Variants in CEP295 observed in about 807,000 individuals in gnomAD.
The protein encoded by CEP295 is centrosomal protein 295.
A neutral mutation model predicts 291.6 loss-of-function variants in CEP295; 190 were observed. That is an observed-to-expected ratio of 0.65 (90% CI 0.58 to 0.73). The LOEUF (loss-of-function observed/expected upper bound fraction) is 0.73, where lower values mean the gene tolerates loss of function less well. Among genes scored for constraint, CEP295 ranks in the 30% least tolerant of loss-of-function variants. The probability of loss-of-function intolerance (pLI) is 0.00; values close to 1 mark genes in which losing one functional copy is unlikely to be tolerated. For synonymous variants in CEP295, 993 were observed against 1,038.8 expected, an observed-to-expected ratio of 0.96 and a Z score of 0.85; for missense variants, 2,863 against 2,949.4, an observed-to-expected ratio of 0.97 and a Z score of 0.68.
chr11:93,670,092 T>A (rs1950363274), intron 5 of CEP295, among the ~76,000 whole-genome samples: 1 of 152,130 alleles, frequency 6.6e-6, no homozygotes, highest in Non-Finnish European at 1.5e-5. Flanking sequence ...AAAACTATAA[T>A]GGTTTTGGTT....
At chr11:93,691,848 A>T (rs1288022913) in intron 11 of CEP295, 73 bp downstream of exon 11, 1 of 1,281,442 alleles carries the variant, frequency 7.8e-7, no homozygotes, top group African/African-American at 1.5e-5. Flanking sequence ...ATTACATGTG[A>T]TATATTAAGA....
chr11:93,666,463 A>G (rs1950211373), intron 1 of CEP295, among the ~76,000 whole-genome samples: 2 of 151,990 alleles, frequency 1.3e-5, no homozygotes, highest in Non-Finnish European at 2.9e-5. Flanking sequence ...GCGTGGTGGC[A>G]TGCACCTGTA....
rs1432121770 is a variant in CEP295, at chr11:93,687,806, C to G, written c.1277C>G (p.Thr426Arg). Residue 426 changes from threonine (T) to arginine (R), a missense_variant, in exon 10 of 30, where the codon ACG becomes AGG. Around this residue, in one of 3 missense-constraint regions of CEP295, gnomAD observed 554 missense variants for 576.0 expected, o/e 0.96. Coordinates refer to ENST00000325212, the MANE Select transcript of CEP295 (RefSeq NM_033395.2). ...AGTGAAATTGAGAGTAAAGCACCAACGGTTGAGTCAGGAACAATTGCCAGC... is the reference window on the plus strand; with the variant it reads ...AGTGAAATTGAGAGTAAAGCACCAAGGGTTGAGTCAGGAACAATTGCCAGC... ...TVSEIESKAP[T>R]VESGTIASKE... 3.2e-6 allele frequency: 5 copies of G among 1,551,292 alleles called. No individual in the cohort carries two copies. In the East Asian group the frequency reaches 1.2e-4, roughly 38 times the overall value.
In CEP295 at chr11:93,667,619, G is replaced by GA; in HGVS notation, c.124dup (p.Arg42LysfsTer63). 1 of 1,545,794 alleles carries GA rather than the reference G, an allele frequency of 6.5e-7. No homozygotes were observed. The highest frequency in any genetic ancestry group is 8.7e-7 in the Non-Finnish European group (1 of 1,145,198). On this transcript the variant is annotated frameshift_variant, in exon 3 of 30. Coordinates refer to ENST00000325212, the MANE Select transcript of CEP295 (RefSeq NM_033395.2). LOFTEE classifies it high-confidence loss of function. Reference sequence around the variant, plus strand: ...ATGCATTCTTTAGGTTCGAGAACAAGAAAGAGATATCGCCTTACAGATAAG... The same window carrying GA: ...ATGCATTCTTTAGGTTCGAGAACAAGAAAAGAGATATCGCCTTACAGATAAG...
chr11:93,721,489 CTATGT>C (rs1304307537), intron 19 of CEP295, 77 bp downstream of exon 19: 5 of 945,724 alleles, frequency 5.3e-6, no homozygotes, highest in Admixed American at 1.7e-5. Context: ...TTTACAGAAG[CTATGT>C]TATAACATTA....
Position 93,706,839 on chromosome 11 carries a change from T to G in CEP295, c.5691T>G (p.Phe1897Leu). The change falls in exon 18 of 30, where the codon TTT becomes TTG. Residue 1897 changes from phenylalanine (F) to leucine (L), a missense_variant. Coordinates refer to ENST00000325212, the MANE Select transcript of CEP295 (RefSeq NM_033395.2). The stretch of plus-strand genomic sequence containing the variant: ...GGAGCCCACTGGCCCATGATCCGTT[T>G]AGTTGTCTTCAACTGGTTGGCCAAG... ...FFGSPLAHDP[F>L]SCLQLVGQEN... 1 of 1,549,516 alleles carries G rather than the reference T, an allele frequency of 6.5e-7. No homozygotes were observed.
intron 18 of CEP295, among the ~76,000 whole-genome samples, chr11:93,718,667 A>G (rs1953448726): frequency 6.6e-6 from 1 of 152,236 alleles, no homozygotes; most frequent in South Asian, 2.1e-4. Context: ...TAGTGAATTG[A>G]ACATCCCAGA....
chr11:93,724,534 AG>A lies in CEP295; in HGVS notation c.6318+161del, dbSNP rs1381418642. Among the ~76,000 whole-genome samples, 4 of 152,358 alleles carry A rather than the reference AG, an allele frequency of 2.6e-5. No homozygotes were observed. The East Asian group carries it at 5.8e-4, about 22-fold the overall frequency. ...GTAATCCCAGCACTTTGAGAGCCCA[AG>A]GCGGGCAGATTACTTGAGGCCAAGA... On this transcript the variant is annotated intron_variant, in intron 22 of 29. Coordinates refer to ENST00000325212, the MANE Select transcript of CEP295 (RefSeq NM_033395.2).
intron 7 of CEP295, among the ~76,000 whole-genome samples, chr11:93,681,403 ATTTT>A (rs71064773): frequency 5.7e-4 from 21 of 36,528 alleles, no homozygotes; most frequent in Non-Finnish European, 7.4e-4. Flanking sequence ...CACCCAGCTA[ATTTT>A]TTTTTTTTTT....
At chr11:93,720,679 G>A (rs566216775) in intron 18 of CEP295, among the ~76,000 whole-genome samples, 16 of 151,982 alleles carry the variant, frequency 1.1e-4, no homozygotes, top group Middle Eastern at 6.8e-3. Flanking sequence ...TACAACCTCC[G>A]CCTCCCAGGC....
chr11:93,725,717 G>C lies in CEP295; in HGVS notation c.6385G>C (p.Ala2129Pro). The change falls in exon 23 of 30, where the codon GCA becomes CCA. Residue 2129 changes from alanine to proline, a missense_variant. Coordinates refer to ENST00000325212, the MANE Select transcript of CEP295 (RefSeq NM_033395.2). ...ATCCAAAAGTACAGTTTATTTCACA[G>C]CACTGAGGAGGACCAGCATGCATTC... ...GLSKSTVYFTALRRTSMHSSL... is the reference protein window; with the variant it reads ...GLSKSTVYFTPLRRTSMHSSL... 1 of 1,551,814 alleles carries C rather than the reference G, an allele frequency of 6.4e-7. No individual in the cohort carries two copies. The highest frequency in any genetic ancestry group is 8.7e-7 in the Non-Finnish European group (1 of 1,146,962).
At chr11:93,695,903 C>G in intron 13 of CEP295, among the ~76,000 whole-genome samples, 1 of 151,988 alleles carries the variant, frequency 6.6e-6, no homozygotes, top group South Asian at 2.1e-4. Context: ...CCCAGCTACT[C>G]CAGAGGTTGA....
At chr11:93,667,199 T>G (rs549220711) in intron 2 of CEP295, among the ~76,000 whole-genome samples, 189 of 152,306 alleles carry the variant, frequency 1.2e-3, no homozygotes, top group African/African-American at 4.3e-3. Flanking sequence ...AAAGTAAGTT[T>G]TTGTGAAGTA....
At chr11:93,686,736 G>A (rs1951262235) in intron 9 of CEP295, among the ~76,000 whole-genome samples, 1 of 152,144 alleles carries the variant, frequency 6.6e-6, no homozygotes, top group South Asian at 2.1e-4. Flanking sequence ...TATTGACTGG[G>A]AAGGGACATG....
chr11:93,728,958 A>G, intron 25 of CEP295, 137 bp downstream of exon 25: 1 of 697,292 alleles, frequency 1.4e-6, no homozygotes, highest in Non-Finnish European at 2.3e-6. Context: ...ACCAGCTCTC[A>G]ATTTGTCTTA....
rs747600620 is a variant in CEP295 at position 93,696,345 on chromosome 11, C to T, written c.1697C>T (p.Pro566Leu). ...GTTGGCATTGCTCCAGCATCATGCC[C>T]TGTAATTTCTGATGAAGATAGTCAT... ...TGVGIAPASCPVISDEDSHRQ... is the reference protein window; with the variant it reads ...TGVGIAPASCLVISDEDSHRQ... Residue 566 changes from proline to leucine, a missense_variant, in exon 14 of 30, where the codon CCT becomes CTT. This residue lies in a region of CEP295 where 2,295 missense variants were observed against 2,335.7 expected (regional missense o/e 0.98). Transcript: ENST00000325212. The T allele has an allele frequency of 2.6e-6, 4 of 1,550,332 alleles. No homozygotes were observed. Among genetic ancestry groups the T allele is most frequent in the Non-Finnish European group, 3.5e-6 (4 of 1,146,232 alleles).
chr11:93,702,915 A>G lies in CEP295; in HGVS notation c.5592A>G (p.Ile1864Met), dbSNP rs1456459434. The stretch of plus-strand genomic sequence containing the variant: ...CACCAGCAATTGGCAGAACTTCTAT[A>G]CTAGGTAAATAGATGCTTTGATAAA... ...VESPAIGRTSILGKPGIYEDR... is the reference protein window; with the variant it reads ...VESPAIGRTSMLGKPGIYEDR... Residue 1864 changes from isoleucine (I) to methionine (M), a missense_variant, in exon 17 of 30, where the codon ATA becomes ATG. Around this residue, in one of 3 missense-constraint regions of CEP295, gnomAD observed 2,295 missense variants for 2,335.7 expected, o/e 0.98. Transcript: ENST00000325212. The G allele has an allele frequency of 9.7e-6, 15 of 1,539,826 alleles. No individual in the cohort carries two copies. The highest frequency in any genetic ancestry group is 1.2e-5 in the Non-Finnish European group (14 of 1,143,784).
At chr11:93,675,393 C>T (rs1236000278) in intron 5 of CEP295, among the ~76,000 whole-genome samples, 178 bp from the exon 6 acceptor site, 1 of 152,024 alleles carries the variant, frequency 6.6e-6, no homozygotes, top group East Asian at 1.9e-4. Flanking sequence ...GAATCTGGTA[C>T]TTTTATTAAA....
intron 18 of CEP295, among the ~76,000 whole-genome samples, chr11:93,711,544 C>A (rs183888510): frequency 6.6e-6 from 1 of 152,034 alleles, no homozygotes; most frequent in Non-Finnish European, 1.5e-5. Flanking sequence ...GCTCTGTCAT[C>A]CAGGCTGGAG....
Sources: allele counts gnomAD v4.1 joint callset (sites outside exome capture counted in the v4.1 genomes callset), GRCh38; gene constraint gnomAD v4.1.1; regional missense constraint gnomAD v4.1.1; transcripts MANE v1.5; gene names NCBI Gene and HGNC (gene_info 2026-07-23, HGNC 2026-07-21).